LSS: variants seen among roughly 807,000 people sequenced by gnomAD.
The protein encoded by LSS is 2,3-epoxysqualene-lanosterol cyclase.
A neutral mutation model predicts 110.3 loss-of-function variants in LSS; 90 were observed. The observed-to-expected ratio is 0.82, with a 90% confidence interval of 0.69 to 0.97. The LOEUF (loss-of-function observed/expected upper bound fraction) is 0.97. Among genes scored for constraint, LSS ranks in the 50% least tolerant of loss-of-function variants. The pLI is 0.00. For missense variants in LSS, 927 were observed against 990.0 expected (o/e 0.94, Z 0.85); for synonymous variants, 433 against 400.0 (o/e 1.08, Z -0.98).
chr21:46,206,637 G>A (rs759867003), intron 16 of LSS, 35 bp downstream of exon 16: 75 of 1,570,706 alleles, frequency 4.8e-5, no homozygotes, highest in Admixed American at 5.0e-5. Context: ...AGCCAGCCCC[G>A]GGTTTGCGCG....
chr21:46,227,161 C>T (rs2080350554), intron 3 of LSS, among the ~76,000 whole-genome samples: 1 of 152,200 alleles, frequency 6.6e-6, no homozygotes, highest in African/African-American at 2.4e-5. Context: ...TGCAATAGCC[C>T]CGAGGAAGTT....
chr21:46,219,311 A>G (rs1473234443), intron 6 of LSS, among the ~76,000 whole-genome samples, 165 bp downstream of exon 6: 2 of 152,168 alleles, frequency 1.3e-5, no homozygotes, highest in Non-Finnish European at 2.9e-5. Context: ...GTACCCCTAC[A>G]GGACTCAAGC....
rs2079898835 is a variant in LSS, at chr21:46,195,617, C to T, written c.1817+59G>A. ...AAACCAAATGTCAAAGCAAAAAACACTCATGACAGAGCATTGGGTTGAGAA... is the reference window on the plus strand; with the variant it reads ...AAACCAAATGTCAAAGCAAAAAACATTCATGACAGAGCATTGGGTTGAGAA... On this transcript the variant is annotated intron_variant, in intron 19 of 21. Transcript: ENST00000397728. 3 of 1,440,796 alleles carry T rather than the reference C, an allele frequency of 2.1e-6. No homozygotes were observed. The Admixed American group carries it at 5.3e-5, about 26-fold the overall frequency. The allele number at this position is 1,440,796 out of a possible 1,614,324, so 89.3% of individuals were successfully genotyped here.
chr21:46,213,765 T>C lies in LSS; in HGVS notation c.1082A>G (p.His361Arg). Reference protein sequence around the residue: ...DGPASTAFQEHVSRIPDYLWM... With the variant: ...DGPASTAFQERVSRIPDYLWM... ...GAGATAGTCCGGGATTCTGGAGACA[T>C]GCTCCTGGAAGGCAGTGGAGGCGGG... The change falls in exon 10 of 22, where the codon CAT (histidine) becomes CGT (arginine). Residue 361 changes from histidine to arginine, a missense_variant. Physicochemically the swap from His to Arg is conservative, Grantham distance 29. Coordinates refer to ENST00000397728, the MANE Select transcript of LSS (RefSeq NM_002340.6). 1 of 1,614,056 alleles carries C rather than the reference T, an allele frequency of 6.2e-7. No homozygotes were observed. The highest frequency in any genetic ancestry group is 8.5e-7 in the Non-Finnish European group (1 of 1,179,978).
Position 46,209,455 on chromosome 21 carries a change from T to G in LSS, c.1266+99A>C. 1 of 1,092,058 alleles carries G rather than the reference T, an allele frequency of 9.2e-7. No homozygotes were observed. The allele number at this position is 1,092,058 out of a possible 1,614,324, so 67.6% of individuals were successfully genotyped here. A position where few individuals can be genotyped will look rare whatever the true frequency, so the allele number is the denominator to read the frequency against. Reference sequence around the variant, plus strand: ...TGACCTGAAACACCAGTGCAGGAAATAGGGCAGGGTGGAGGTGAGGTGGGC... The same window carrying G: ...TGACCTGAAACACCAGTGCAGGAAAGAGGGCAGGGTGGAGGTGAGGTGGGC... On this transcript the variant is annotated intron_variant, in intron 13 of 21. Coordinates refer to ENST00000397728, the MANE Select transcript of LSS (RefSeq NM_002340.6). The surrounding 1 kb of genome is among the most constrained non-coding windows in gnomAD (Gnocchi z 4.4).
At position 46,209,602 on chromosome 21, in the gene LSS, C is replaced by T. The variant is rs1241161120; in HGVS notation, c.1218G>A (p.Glu406=). 1 of 1,599,384 alleles carries T rather than the reference C, an allele frequency of 6.3e-7. No individual in the cohort carries two copies. The highest frequency in any genetic ancestry group is 8.5e-7 in the Non-Finnish European group (1 of 1,174,082). ...LLEAGGHHRP[E]FSSCLQKAHE... The stretch of plus-strand genomic sequence containing the variant: ...GAGCCTTCTGCAGGCAGGACGAAAA[C>T]TCGGGCCTGTGGTGCCCGCCCGCCT... Residue 406 remains glutamate (E), a synonymous_variant, in exon 13 of 22, where the codon GAG becomes GAA. Coordinates refer to ENST00000397728, the MANE Select transcript of LSS (RefSeq NM_002340.6). This position sits in a 1 kb window ranked among gnomAD's most constrained non-coding sequence, Gnocchi z 4.4.
intron 4 of LSS, 198 bp from the exon 5 acceptor site, chr21:46,222,173 C>G (rs758532696): frequency 1.7e-6 from 1 of 604,824 alleles, no homozygotes; most frequent in Non-Finnish European, 2.9e-6. Context: ...ACTGAGCCCC[C>G]CACTCCTTCC....
Position 46,196,266 on chromosome 21 carries a change from C to T in LSS, c.1672G>A (p.Glu558Lys). 1 of 1,614,056 alleles carries T rather than the reference C, an allele frequency of 6.2e-7. No individual in the cohort carries two copies. Among genetic ancestry groups the T allele is most frequent in the South Asian group, 1.1e-5 (1 of 91,090 alleles). ...AACTCTAAGCCCTGCGTGAGGGTCT[C>T]CCTGGAACACGAGATTGGTCCAGTG... ...FPEHRAAEIRETLTQGLEFCR... is the reference protein window; with the variant it reads ...FPEHRAAEIRKTLTQGLEFCR... Residue 558 changes from glutamate (E) to lysine (K), a missense_variant and splice_region_variant, in exon 18 of 22, where the codon GAG becomes AAG. Transcript: ENST00000397728.
chr21:46,192,445 G>A (rs1363839321), intron 20 of LSS: 2 of 450,790 alleles, frequency 4.4e-6, no homozygotes, highest in Non-Finnish European at 8.9e-6. Context: ...AGCTTTTAGG[G>A]TTTTAGGAAG....
At chr21:46,205,365 C>T (rs1427205377) in intron 17 of LSS, among the ~76,000 whole-genome samples, 1 of 152,200 alleles carries the variant, frequency 6.6e-6, no homozygotes, top group African/African-American at 2.4e-5. Context: ...AGATCCAAAG[C>T]GAGCAACAGA....
intron 3 of LSS, chr21:46,225,196 C>G (rs2080322276): frequency 4.7e-6 from 1 of 211,686 alleles, no homozygotes. Flanking sequence ...TTATAATAAT[C>G]CTCGCTCTAC....
Position 46,228,451 on chromosome 21 carries a change from C to A in LSS, c.163G>T (p.Ala55Ser). The A allele has an allele frequency of 6.2e-7, 1 of 1,603,386 alleles. No homozygotes were observed. The highest frequency in any genetic ancestry group is 8.5e-7 in the Non-Finnish European group (1 of 1,179,636). ...CAACTTACGGTGTCCAGCCCCAGGG[C>A]GTAGGCTTCCAGGCCGGTCTGCTCG... ...GREQTGLEAY[A>S]LGLDTKNYFK... Residue 55 changes from alanine (A) to serine (S), a missense_variant, in exon 2 of 22, where the codon GCC becomes TCC. Coordinates refer to ENST00000397728, the MANE Select transcript of LSS (RefSeq NM_002340.6).
intron 17 of LSS, among the ~76,000 whole-genome samples, chr21:46,202,888 C>G (rs1277030856): frequency 2.6e-5 from 4 of 152,000 alleles, no homozygotes; most frequent in African/African-American, 9.7e-5. Flanking sequence ...AACAAATAAA[C>G]AAAAAAAGAA....
At position 46,216,326 on chromosome 21, in the gene LSS, AG is replaced by A; in HGVS notation, c.783+62del. ...TGGACAGGTGTGGTTAGATTCCAGA[AG>A]CCCCAGGCCCTGTGGGTCCCAGCCC... On this transcript the variant is annotated intron_variant, in intron 7 of 21. Transcript: ENST00000397728. This position sits in a 1 kb window ranked among gnomAD's most constrained non-coding sequence, Gnocchi z 4.2. The A allele has an allele frequency of 6.2e-7, 1 of 1,607,002 alleles. No individual in the cohort carries two copies. The highest frequency in any genetic ancestry group is 8.5e-7 in the Non-Finnish European group (1 of 1,176,364).
intron 16 of LSS, among the ~76,000 whole-genome samples, 154 bp from the exon 17 acceptor site, chr21:46,206,095 C>T (rs1018911935): frequency 5.3e-5 from 8 of 152,204 alleles, no homozygotes; most frequent in Non-Finnish European, 8.8e-5. Flanking sequence ...GCCGGCTGGT[C>T]CAGGACACAC....
At chr21:46,218,789 G>C (rs866918898) in intron 6 of LSS, among the ~76,000 whole-genome samples, 3 of 147,920 alleles carry the variant, frequency 2.0e-5, no homozygotes, top group African/African-American at 7.5e-5. Context: ...ATGGTGGCAC[G>C]ATCTCGGCTC....
intron 7 of LSS, 144 bp from the exon 8 acceptor site, chr21:46,215,937 C>G: frequency 3.3e-6 from 2 of 601,170 alleles, no homozygotes; most frequent in South Asian, 4.1e-5. Flanking sequence ...CAACTGACCC[C>G]GAGGCCACAT....
intron 3 of LSS, 113 bp from the exon 4 acceptor site, chr21:46,222,851 A>G: frequency 1.3e-6 from 1 of 758,844 alleles, no homozygotes; most frequent in South Asian, 1.7e-5. Flanking sequence ...CCTTCTCATA[A>G]AAACACCCCC....
chr21:46,223,151 T>C (rs1439800403), intron 3 of LSS, among the ~76,000 whole-genome samples: 1 of 152,238 alleles, frequency 6.6e-6, no homozygotes, highest in Non-Finnish European at 1.5e-5. Context: ...GGAAGAAAAA[T>C]ACAAAATTGG....
Sources: gnomAD v4.1 joint callset for allele counts (sites outside exome capture counted in the v4.1 genomes callset) on GRCh38, gnomAD v4.1.1 for gene constraint, Gnocchi (gnomAD v3.1) non-coding constraint, MANE v1.5 for transcripts, NCBI Gene and HGNC (gene_info 2026-07-23, HGNC 2026-07-21) for gene names.